Variants in FAM184A observed in about 807,000 individuals in gnomAD.
The protein encoded by FAM184A is family with sequence similarity 184 member A.
FAM184A carries 99 observed loss-of-function variants against 143.8 expected under a neutral mutation model. The observed-to-expected ratio is 0.69, with a 90% CI of 0.58 to 0.81. FAM184A has a LOEUF of 0.81. Among genes scored for constraint, FAM184A ranks in the 40% least tolerant of loss-of-function variants. The pLI, the probability that FAM184A is intolerant of heterozygous loss-of-function variation, is 0.00. For missense variants in FAM184A, 1,217 were observed against 1,310.5 expected (o/e 0.93, Z 1.10); for synonymous variants, 427 against 446.4 (o/e 0.96, Z 0.55).
chr6:119,081,860 A>G (rs1199334355), upstream of FAM184A, among the ~76,000 whole-genome samples: 4 of 151,948 alleles, frequency 2.6e-5, no homozygotes, highest in Admixed American at 2.6e-4. Flanking sequence ...CCCTCCACTG[A>G]TGTGCTCCTC....
At chr6:119,087,268 G>A (rs1188788528) in intron 1 of FAM184A, among the ~76,000 whole-genome samples, 3 of 152,110 alleles carry the variant, frequency 2.0e-5, no homozygotes, top group Admixed American at 6.5e-5. Context: ...AAACTTTTAT[G>A]CGTCAAAAGA....
At chr6:119,034,803 G>A (rs1480625589) in intron 1 of FAM184A, among the ~76,000 whole-genome samples, 1 of 151,954 alleles carries the variant, frequency 6.6e-6, no homozygotes, top group Non-Finnish European at 1.5e-5. Flanking sequence ...TTTCATCAGT[G>A]GGCTTTTCCT....
At chr6:119,105,423 C>T (rs1333676784) in intron 1 of FAM184A, among the ~76,000 whole-genome samples, 2 of 152,072 alleles carry the variant, frequency 1.3e-5, no homozygotes, top group African/African-American at 4.8e-5. Flanking sequence ...TGTGGCATTT[C>T]CCCCCTCACT....
At chr6:118,977,408 C>A (rs1783878772) in intron 11 of FAM184A, among the ~76,000 whole-genome samples, 1 of 152,024 alleles carries the variant, frequency 6.6e-6, no homozygotes, top group Non-Finnish European at 1.5e-5. Context: ...ATGGTGAAAC[C>A]CTGCCTACAA....
chr6:119,120,827 C>CTTTCTTT (rs1562158708), intron 1 of FAM184A, among the ~76,000 whole-genome samples: 4 of 113,194 alleles, frequency 3.5e-5, no homozygotes, highest in Admixed American at 3.5e-4. Context: ...TTTCTTTCTT[C>CTTTCTTT]CTTTCTTTCT....
intron 1 of FAM184A, among the ~76,000 whole-genome samples, chr6:119,135,334 A>C (rs889894800): frequency 6.6e-6 from 1 of 152,176 alleles, no homozygotes; most frequent in African/African-American, 2.4e-5. Flanking sequence ...TCTGTGGGAG[A>C]GGGATCAGGA....
intron 1 of FAM184A, among the ~76,000 whole-genome samples, chr6:119,107,857 C>G (rs1447327188): frequency 2.6e-5 from 4 of 151,690 alleles, no homozygotes; most frequent in Admixed American, 2.6e-4. Context: ...GAGTTATTGT[C>G]AGTTCATTGT....
intron 17 of FAM184A, chr6:118,960,826 A>G: frequency 7.3e-7 from 1 of 1,365,968 alleles, no homozygotes; most frequent in Non-Finnish European, 9.8e-7. Context: ...TCCAGTAGTC[A>G]TGTTCCTTGA....
chr6:118,969,993 A>ATAAAATATATATATAT lies in FAM184A; in HGVS notation c.2916-3042_2916-3041insATATATATATATTTTA, dbSNP rs1189865476. 9.8e-3 allele frequency among the ~76,000 whole-genome samples: 238 copies of ATAAAATATATATATAT among 24,308 alleles called. 62 individuals carry two copies. The highest frequency in any genetic ancestry group is 0.038 in the East Asian group (19 of 500). 15.9% of individuals were successfully genotyped at this position (24,308 alleles called of 152,430 possible). A position where few individuals can be genotyped will look rare whatever the true frequency, so the allele number is the denominator to read the frequency against. ...AAATTGTTTGGGTGTATATATATAT[A>ATAAAATATATATATAT]ATATATATATATATATTTTTTTTTT... On this transcript the variant is annotated intron_variant, in intron 14 of 17. Transcript: ENST00000338891.
At chr6:119,039,473 A>G (rs74813736) in intron 1 of FAM184A, among the ~76,000 whole-genome samples, 2,486 of 152,366 alleles carry the variant, frequency 0.016, 28 homozygotes, top group South Asian at 0.028. Context: ...GCCATGGGAA[A>G]ACATGAAGAA....
At chr6:119,144,700 G>A (rs562140945) in intron 1 of FAM184A, among the ~76,000 whole-genome samples, 1 of 152,310 alleles carries the variant, frequency 6.6e-6, no homozygotes, top group South Asian at 2.1e-4. Context: ...TCTTTTCTAT[G>A]GACTGTCCCT....
chr6:119,098,686 G>A (rs954660696), intron 1 of FAM184A, among the ~76,000 whole-genome samples: 3 of 152,202 alleles, frequency 2.0e-5, no homozygotes. Context: ...CCATGGGCAT[G>A]ACTTCCTCCA....
chr6:119,127,190 G>A lies in FAM184A; in HGVS notation c.-202+21888C>T, dbSNP rs868663398. Among the ~76,000 whole-genome samples, 93 of 152,334 alleles carry A rather than the reference G, an allele frequency of 6.1e-4. 1 individual carries two copies. The highest frequency in any genetic ancestry group is 2.1e-3 in the African/African-American group (89 of 41,578). On this transcript the variant is annotated intron_variant, in intron 1 of 16. Transcript: ENST00000352896. ...CTTGCCGGGAACCCCACCCTTTTAT[G>A]CCTAGAATTTCTCTGCCTCCTGTCC...
intron 1 of FAM184A, among the ~76,000 whole-genome samples, chr6:119,025,072 A>AT (rs899535258): frequency 1.3e-5 from 2 of 152,216 alleles, no homozygotes; most frequent in Admixed American, 6.5e-5. Context: ...ATTTAAGACT[A>AT]TTTTTTACTA....
intron 1 of FAM184A, among the ~76,000 whole-genome samples, chr6:119,104,226 C>G (rs1021443292): frequency 2.6e-5 from 4 of 152,066 alleles, no homozygotes; most frequent in Non-Finnish European, 4.4e-5. Flanking sequence ...AGGCTGGCCT[C>G]AAACCCCTGG....
At chr6:119,117,645 G>A (rs1789095128) in intron 1 of FAM184A, among the ~76,000 whole-genome samples, 2 of 152,186 alleles carry the variant, frequency 1.3e-5, no homozygotes, top group Admixed American at 6.6e-5. Flanking sequence ...TATCTTAGGT[G>A]AACCTCAAAA....
intron 1 of FAM184A, among the ~76,000 whole-genome samples, chr6:119,136,595 A>G (rs888664921): frequency 1.1e-4 from 16 of 152,234 alleles, no homozygotes; most frequent in Non-Finnish European, 1.9e-4. Context: ...ATTAAATTGA[A>G]GAAGCAACTG....
intron 1 of FAM184A, among the ~76,000 whole-genome samples, chr6:119,048,583 A>G (rs1786624783): frequency 6.6e-6 from 1 of 152,364 alleles, no homozygotes; most frequent in African/African-American, 2.4e-5. Context: ...CTATACACCA[A>G]CAACAGCCAA....
At chr6:118,965,210 T>TTG (rs1783465274) in intron 15 of FAM184A, among the ~76,000 whole-genome samples, 2 of 150,112 alleles carry the variant, frequency 1.3e-5, no homozygotes, top group South Asian at 2.1e-4. Flanking sequence ...TGTTTGTTTT[T>TTG]TTTTTTTTTT....
Sources: allele counts gnomAD v4.1 joint callset (sites outside exome capture counted in the v4.1 genomes callset), GRCh38; gene constraint gnomAD v4.1.1; transcripts MANE v1.5; gene names NCBI Gene and HGNC (gene_info 2026-07-23, HGNC 2026-07-21).